Variants in CD37 observed in about 807,000 individuals in gnomAD.
CD37 encodes leukocyte antigen CD37.
In CD37, 37 loss-of-function variants were observed where a neutral mutation model predicts 38.9. The observed-to-expected ratio is 0.95, with a 90% CI of 0.73 to 1.25. The LOEUF (loss-of-function observed/expected upper bound fraction) is 1.25. Among genes scored for constraint, CD37 ranks in the 50% most tolerant of loss-of-function variants. CD37 has a pLI of 0.00. For missense variants in CD37, 351 were observed against 360.1 expected (o/e 0.97, Z 0.20); for synonymous variants, 146 against 150.1 (o/e 0.97, Z 0.20).
chr19:49,339,781 G>C lies in CD37; in HGVS notation c.768+368G>C. ...CAGCCTGATCGCTGACGGCGGCGGC[G>C]GGCACAGCGGCAGTCTGTGGGGTGG... is the stretch of plus-strand genomic sequence containing the variant. On this transcript the variant is annotated intron_variant, in intron 7 of 7. Transcript: ENST00000323906. This position sits in a 1 kb window ranked among gnomAD's most constrained non-coding sequence, Gnocchi z 4.5. 1 of 1,365,164 alleles carries C rather than the reference G, an allele frequency of 7.3e-7. No homozygotes were observed. Among genetic ancestry groups the C allele is most frequent in the Non-Finnish European group, 9.4e-7 (1 of 1,060,244 alleles). 84.6% of individuals were successfully genotyped at this position (1,365,164 alleles called of 1,614,324 possible).
Position 49,339,635 on chromosome 19 carries a change from A to T in CD37, c.768+222A>T. 7.0e-7 allele frequency: 1 copy of T among 1,423,694 alleles called. No homozygotes were observed. Among genetic ancestry groups the T allele is most frequent in the Non-Finnish European group, 9.2e-7 (1 of 1,091,246 alleles). The allele number at this position is 1,423,694 out of a possible 1,614,324, so 88.2% of individuals were successfully genotyped here. A position where few individuals can be genotyped will look rare whatever the true frequency, so the allele number is the denominator to read the frequency against. On this transcript the variant is annotated intron_variant, in intron 7 of 7. Transcript: ENST00000323906. The surrounding 1 kb of genome is among the most constrained non-coding windows in gnomAD (Gnocchi z 4.5). Reference sequence around the variant, plus strand: ...GGAAAGCCTCCTGCTATTGGCTGCGATCTCCCTCCCCTTTCTCCGCAGATG... The same window carrying T: ...GGAAAGCCTCCTGCTATTGGCTGCGTTCTCCCTCCCCTTTCTCCGCAGATG...
In CD37 at chr19:49,336,944, G is replaced by C. The variant is rs767441803; in HGVS notation, c.178G>C (p.Val60Leu). The C allele has an allele frequency of 1.2e-6, 2 of 1,614,204 alleles. No homozygotes were observed. The highest frequency in any genetic ancestry group is 2.2e-5 in the South Asian group (2 of 91,090). The change falls in exon 3 of 8, where the codon GTC (valine) becomes CTC (leucine). Residue 60 changes from valine to leucine, a missense_variant. Physicochemically the swap from Val to Leu is conservative, Grantham distance 32. Coordinates refer to ENST00000323906, the MANE Select transcript of CD37 (RefSeq NM_001774.3). ...AFVPLQIWSKVLAISGIFTMG... is the reference protein window; with the variant it reads ...AFVPLQIWSKLLAISGIFTMG... ...CGTGCCTCTGCAGATCTGGTCCAAA[G>C]TCCTGGCCATCTCAGGAATCTTCAC... is the stretch of plus-strand genomic sequence containing the variant.
chr19:49,340,172 C>G, intron 7 of CD37, 79 bp from the exon 8 acceptor site: 1 of 1,523,620 alleles, frequency 6.6e-7, no homozygotes, highest in Non-Finnish European at 9.0e-7. Context: ...CACCCCTGAC[C>G]TTTCTCGCCC....
intron 2 of CD37, chr19:49,336,057 C>T (rs1165256671): frequency 5.9e-6 from 3 of 509,272 alleles, no homozygotes; most frequent in Non-Finnish European, 1.1e-5. Context: ...ACCTTCCCCT[C>T]GCTTGAGGTT....
chr19:49,335,626 C>T lies in CD37; in HGVS notation c.69+17C>T, dbSNP rs1970921198. 6.2e-7 allele frequency: 1 copy of T among 1,612,592 alleles called. No individual in the cohort carries two copies. Among genetic ancestry groups the T allele is most frequent in the Middle Eastern group, 1.6e-4 (1 of 6,062 alleles). Reference sequence around the variant, plus strand: ...TTCTTCTTCGTGAGTTGCCTCATGGCTACCCAGCCGGGGCCCAGCCCCTGC... The same window carrying T: ...TTCTTCTTCGTGAGTTGCCTCATGGTTACCCAGCCGGGGCCCAGCCCCTGC... On this transcript the variant is annotated intron_variant, in intron 1 of 7. Transcript: ENST00000323906. The surrounding 1 kb of genome is among the most constrained non-coding windows in gnomAD (Gnocchi z 4.6).
Position 49,338,202 on chromosome 19 carries a change from G to A in CD37, c.447+173G>A. 3 of 1,432,886 alleles carry A rather than the reference G, an allele frequency of 2.1e-6. No homozygotes were observed. The highest frequency in any genetic ancestry group is 2.7e-6 in the Non-Finnish European group (3 of 1,097,732). The allele number at this position is 1,432,886 out of a possible 1,614,324, so 88.8% of individuals were successfully genotyped here. A position where few individuals can be genotyped will look rare whatever the true frequency, so the allele number is the denominator to read the frequency against. Reference sequence around the variant, plus strand: ...AGATGACACAACTGTCCCCGGCGTCGCCTGGTCTCCCAGTACCCAGACCCT... The same window carrying A: ...AGATGACACAACTGTCCCCGGCGTCACCTGGTCTCCCAGTACCCAGACCCT... On this transcript the variant is annotated intron_variant, in intron 5 of 7. Coordinates refer to ENST00000323906, the MANE Select transcript of CD37 (RefSeq NM_001774.3). The surrounding 1 kb of genome is among the most constrained non-coding windows in gnomAD (Gnocchi z 5.0).
At position 49,335,960 on chromosome 19, in the gene CD37, G is replaced by A. The variant is rs1313262674; in HGVS notation, c.142+174G>A. ...GAGTCTTCTTCCGGCAAATGGGGTT[G>A]TGCATACAAACAACAATGATCATGA... On this transcript the variant is annotated intron_variant, in intron 2 of 7. Coordinates refer to ENST00000323906, the MANE Select transcript of CD37 (RefSeq NM_001774.3). This position sits in a 1 kb window ranked among gnomAD's most constrained non-coding sequence, Gnocchi z 4.6. The A allele has an allele frequency of 1.6e-6, 1 of 641,118 alleles. No homozygotes were observed. Among genetic ancestry groups the A allele is most frequent in the South Asian group, 1.8e-5 (1 of 55,820 alleles). The allele number at this position is 641,118 out of a possible 1,614,324, so 39.7% of individuals were successfully genotyped here.
Position 49,340,374 on chromosome 19 carries a change from G to A in CD37, c.*46G>A. On this transcript the variant is annotated 3_prime_UTR_variant, in exon 8 of 8. Transcript: ENST00000323906. ...CCGCCCCGCCCCCGTCACGTGCGCTGGGCACTTCCCTGCTGCCTGTAAATA... is the reference window on the plus strand; with the variant it reads ...CCGCCCCGCCCCCGTCACGTGCGCTAGGCACTTCCCTGCTGCCTGTAAATA... The A allele has an allele frequency of 7.9e-7, 1 of 1,264,516 alleles. No individual in the cohort carries two copies. The highest frequency in any genetic ancestry group is 1.2e-6 in the Non-Finnish European group (1 of 864,128). The allele number at this position is 1,264,516 out of a possible 1,614,324, so 78.3% of individuals were successfully genotyped here.
intron 2 of CD37, chr19:49,336,298 G>C (rs1970952692): frequency 6.2e-6 from 1 of 160,554 alleles, no homozygotes; most frequent in Non-Finnish European, 1.4e-5. Flanking sequence ...GCTCACACCT[G>C]TAATTCCAGC....
intron 7 of CD37, 93 bp from the exon 8 acceptor site, chr19:49,340,158 G>T: frequency 6.6e-7 from 1 of 1,514,946 alleles, no homozygotes. Context: ...CCAATTCACG[G>T]CCCCACCCCT....
rs758319477 is a variant in CD37, at chr19:49,335,898, C to T, written c.142+112C>T. ...CCCTACTCTGCAGGCAGGCTACAGGCTCCCATCCACTGCTCACCGGAGGCT... is the reference window on the plus strand; with the variant it reads ...CCCTACTCTGCAGGCAGGCTACAGGTTCCCATCCACTGCTCACCGGAGGCT... On this transcript the variant is annotated intron_variant, in intron 2 of 7. Coordinates refer to ENST00000323906, the MANE Select transcript of CD37 (RefSeq NM_001774.3). This position sits in a 1 kb window ranked among gnomAD's most constrained non-coding sequence, Gnocchi z 4.6. 2.4e-6 allele frequency: 2 copies of T among 822,998 alleles called. No homozygotes were observed. Among genetic ancestry groups the T allele is most frequent in the Non-Finnish European group, 4.1e-6 (2 of 490,178 alleles). The allele number at this position is 822,998 out of a possible 1,614,324, so 51.0% of individuals were successfully genotyped here.
chr19:49,337,205 C>G lies in CD37; in HGVS notation c.326C>G (p.Ser109Cys). 1.9e-6 allele frequency: 3 copies of G among 1,614,166 alleles called. No individual in the cohort carries two copies. The highest frequency in any genetic ancestry group is 2.5e-6 in the Non-Finnish European group (3 of 1,180,022). Residue 109 changes from serine (S) to cysteine (C), a missense_variant, in exon 4 of 8, where the codon TCC (serine) becomes TGC (cysteine). By Grantham distance (112) the Ser-to-Cys change is moderately radical. Coordinates refer to ENST00000323906, the MANE Select transcript of CD37 (RefSeq NM_001774.3). The part of the protein sequence containing the change: ...ATQITLGILI[S>C]TQRAQLERSL... ...CAGATCACCCTGGGAATCCTCATCT[C>G]CACTCAGCGGGCCCAGGTGAGCTTC...
chr19:49,339,400 T>C lies in CD37; in HGVS notation c.755T>C (p.Val252Ala). ...TCCATAGTGGGCATTTGCCTGGGCG[T>C]CGGCCTACTCGAGGTGATCTGGCCC... The part of the protein sequence containing the change: ...LISIVGICLG[V>A]GLLELGFMTL... The change falls in exon 7 of 8, where the codon GTC becomes GCC. Residue 252 changes from valine to alanine, a missense_variant. By Grantham distance (64) the Val-to-Ala change is moderately conservative. Transcript: ENST00000323906. This position sits in a 1 kb window ranked among gnomAD's most constrained non-coding sequence, Gnocchi z 4.5. The C allele has an allele frequency of 1.2e-6, 2 of 1,613,838 alleles. No individual in the cohort carries two copies. Among genetic ancestry groups the C allele is most frequent in the South Asian group, 1.1e-5 (1 of 91,086 alleles).
Position 49,335,989 on chromosome 19 carries a change from C to T in CD37, c.142+203C>T, listed in dbSNP as rs1970939888. On this transcript the variant is annotated intron_variant, in intron 2 of 7. Transcript: ENST00000323906. This position sits in a 1 kb window ranked among gnomAD's most constrained non-coding sequence, Gnocchi z 4.6. ...ATACAAACAACAATGATCATGAGAG[C>T]CATTTCTCAAGCACTTCCTATCTGT... The T allele has an allele frequency of 5.0e-6, 3 of 599,770 alleles. No homozygotes were observed. The highest frequency in any genetic ancestry group is 8.9e-6 in the Non-Finnish European group (3 of 336,384). The allele number at this position is 599,770 out of a possible 1,614,324, so 37.2% of individuals were successfully genotyped here.
intron 4 of CD37, chr19:49,337,651 G>A: frequency 3.3e-6 from 5 of 1,514,800 alleles, no homozygotes; most frequent in Non-Finnish European, 4.4e-6. Flanking sequence ...TGGACCAAGG[G>A]AGACAGGCAT....
chr19:49,338,589 C>T lies in CD37; in HGVS notation c.448-111C>T, dbSNP rs1285998172. On this transcript the variant is annotated intron_variant, in intron 5 of 7. Coordinates refer to ENST00000323906, the MANE Select transcript of CD37 (RefSeq NM_001774.3). The surrounding 1 kb of genome is among the most constrained non-coding windows in gnomAD (Gnocchi z 5.0). Reference sequence around the variant, plus strand: ...CCCACTGTCCCCCACTCCACACCCACCACTTAGTCCCCTGCTCCCCGACCT... The same window carrying T: ...CCCACTGTCCCCCACTCCACACCCATCACTTAGTCCCCTGCTCCCCGACCT... The T allele has an allele frequency of 5.2e-6, 4 of 775,232 alleles. No homozygotes were observed. Among genetic ancestry groups the T allele is most frequent in the Non-Finnish European group, 8.9e-6 (4 of 449,578 alleles). The allele number at this position is 775,232 out of a possible 1,614,324, so 48.0% of individuals were successfully genotyped here. A position where few individuals can be genotyped will look rare whatever the true frequency, so the allele number is the denominator to read the frequency against.
At chr19:49,336,174 T>G in intron 2 of CD37, 1 of 229,256 alleles carries the variant, frequency 4.4e-6, no homozygotes, top group Non-Finnish European at 8.7e-6. Context: ...TAAATAATAA[T>G]GAAATATAAC....
rs143174245 is a variant in CD37, at chr19:49,340,314, G to T, written c.832G>T (p.Ala278Ser). Residue 278 changes from alanine (A) to serine (S), a missense_variant, in exon 8 of 8, where the codon GCT (alanine) becomes TCT (serine). Coordinates refer to ENST00000323906, the MANE Select transcript of CD37 (RefSeq NM_001774.3). ...RNLDHVYNRLARYR is the reference protein window; with the variant it reads ...RNLDHVYNRLSRYR ...CCTGGACCACGTCTACAACCGGCTC[G>T]CTCGATACCGTTAGGCCCCGCCCTC... The T allele has an allele frequency of 2.4e-5, 39 of 1,612,946 alleles. No homozygotes were observed. Among genetic ancestry groups the T allele is most frequent in the Non-Finnish European group, 3.2e-5 (38 of 1,179,394 alleles).
Position 49,335,442 on chromosome 19 carries a change from G to A in CD37, c.-99G>A, listed in dbSNP as rs533234776. Reference sequence around the variant, plus strand: ...TTCTTCCTTTCTCTCTCAGCTCTCCGTCTCTCTTTCTCTCTCAGCCTCTTT... The same window carrying A: ...TTCTTCCTTTCTCTCTCAGCTCTCCATCTCTCTTTCTCTCTCAGCCTCTTT... On this transcript the variant is annotated 5_prime_UTR_variant, in exon 1 of 8. Transcript: ENST00000323906. This position sits in a 1 kb window ranked among gnomAD's most constrained non-coding sequence, Gnocchi z 4.6. 15 of 886,424 alleles carry A rather than the reference G, an allele frequency of 1.7e-5. No individual in the cohort carries two copies. The highest frequency in any genetic ancestry group is 8.3e-5 in the African/African-American group (5 of 59,944). The allele number at this position is 886,424 out of a possible 1,614,324, so 54.9% of individuals were successfully genotyped here.
Sources: gnomAD v4.1 joint callset for allele counts on GRCh38, gnomAD v4.1.1 for gene constraint, Gnocchi (gnomAD v3.1) non-coding constraint, MANE v1.5 for transcripts, NCBI Gene and HGNC (gene_info 2026-07-23, HGNC 2026-07-21) for gene names.